NRG3: variants seen among roughly 807,000 people sequenced by gnomAD.
NRG3 encodes neuregulin 3.
In NRG3, 31 loss-of-function variants were observed where a neutral mutation model predicts 66.9. The ratio of observed to expected loss-of-function variants is 0.46; its 90% CI spans 0.35 to 0.63. NRG3 has a LOEUF of 0.63. Ranked by LOEUF, NRG3 falls within the 20% of genes least tolerant of loss-of-function variation. The pLI is 0.00. For synonymous variants in NRG3, 393 were observed against 359.4 expected (o/e 1.09, Z -1.06); for missense variants, 910 against 878.9 (o/e 1.04, Z -0.45).
At chr10:82,383,544 T>G (rs2085771145) in intron 2 of NRG3, among the ~76,000 whole-genome samples, 1 of 152,062 alleles carries the variant, frequency 6.6e-6, no homozygotes, top group Admixed American at 6.6e-5. Context: ...ACACCATGAT[T>G]GTTTTTGCTG....
chr10:82,609,589 CAA>C (rs907457000), intron 2 of NRG3, among the ~76,000 whole-genome samples: 3 of 114,344 alleles, frequency 2.6e-5, no homozygotes, highest in South Asian at 2.8e-4. Context: ...TTATATTTTC[CAA>C]AAAAAAAAAA....
intron 3 of NRG3, among the ~76,000 whole-genome samples, chr10:82,778,253 C>G (rs1357467719): frequency 6.6e-6 from 1 of 152,176 alleles, no homozygotes; most frequent in Non-Finnish European, 1.5e-5. Context: ...GACTAAAGCT[C>G]AAATTCCTGA....
At chr10:82,219,991 C>CAT (rs1264740543) in intron 1 of NRG3, among the ~76,000 whole-genome samples, 1 of 151,906 alleles carries the variant, frequency 6.6e-6, no homozygotes, top group African/African-American at 2.4e-5. Context: ...TACACACACA[C>CAT]ATATACTGAT....
intron 2 of NRG3, among the ~76,000 whole-genome samples, chr10:82,734,020 A>C (rs1321560758): frequency 1.3e-5 from 2 of 152,164 alleles, no homozygotes; most frequent in Non-Finnish European, 2.9e-5. Flanking sequence ...GACCATTTTA[A>C]GTCTCTTCCT....
chr10:82,848,242 G>A (rs564855501), intron 3 of NRG3, among the ~76,000 whole-genome samples: 8 of 152,178 alleles, frequency 5.3e-5, no homozygotes, highest in Non-Finnish European at 7.3e-5. Flanking sequence ...TTCTAAAGAT[G>A]TATATGTTAT....
At chr10:82,433,417 C>T (rs972551263) in intron 2 of NRG3, among the ~76,000 whole-genome samples, 1 of 152,020 alleles carries the variant, frequency 6.6e-6, no homozygotes, top group African/African-American at 2.4e-5. Context: ...CTGTAGATTG[C>T]CTGTTCACTC....
intron 2 of NRG3, among the ~76,000 whole-genome samples, chr10:82,541,830 T>C (rs927348343): frequency 6.6e-6 from 1 of 152,184 alleles, no homozygotes; most frequent in African/African-American, 2.4e-5. Flanking sequence ...AGTCCACCGA[T>C]ACCAGTAAGA....
chr10:82,042,849 G>A (rs972950197), intron 1 of NRG3, among the ~76,000 whole-genome samples: 9 of 152,036 alleles, frequency 5.9e-5, no homozygotes, highest in Middle Eastern at 3.4e-3. Context: ...CTAGGTCAAC[G>A]TATTTTGAAT....
At chr10:82,940,119 A>T (rs1009011771) in intron 4 of NRG3, among the ~76,000 whole-genome samples, 6 of 152,200 alleles carry the variant, frequency 3.9e-5, no homozygotes, top group African/African-American at 7.2e-5. Flanking sequence ...TGCAAAAGGA[A>T]TGCAGAAGGG....
At chr10:82,056,724 T>G (rs1387230984) in intron 1 of NRG3, among the ~76,000 whole-genome samples, 2 of 152,218 alleles carry the variant, frequency 1.3e-5, no homozygotes, top group Non-Finnish European at 2.9e-5. Context: ...GTTTTTATTT[T>G]GACTGTAGCT....
chr10:82,389,613 G>A (rs1049717960), intron 2 of NRG3, among the ~76,000 whole-genome samples: 3 of 152,084 alleles, frequency 2.0e-5, no homozygotes, highest in African/African-American at 7.2e-5. Context: ...AGACAAACGA[G>A]GGTAACTGGT....
At chr10:82,591,399 G>C (rs761935954) in intron 2 of NRG3, among the ~76,000 whole-genome samples, 40 of 152,200 alleles carry the variant, frequency 2.6e-4, no homozygotes, top group Admixed American at 9.8e-4. Flanking sequence ...AGGATCCCAT[G>C]ATAAACATTC....
chr10:82,822,502 T>C (rs566119386), intron 3 of NRG3, among the ~76,000 whole-genome samples: 1 of 152,120 alleles, frequency 6.6e-6, no homozygotes, highest in African/African-American at 2.4e-5. Context: ...AGAGGATCTC[T>C]GGGGTCATAA....
chr10:82,364,297 G>T (rs1243089661), intron 2 of NRG3, among the ~76,000 whole-genome samples: 1 of 152,002 alleles, frequency 6.6e-6, no homozygotes, highest in Non-Finnish European at 1.5e-5. Context: ...ATAATTCATT[G>T]ATACTTTTTA....
intron 2 of NRG3, among the ~76,000 whole-genome samples, chr10:82,428,147 A>C (rs1378210277): frequency 4.0e-5 from 6 of 151,584 alleles, no homozygotes; most frequent in African/African-American, 1.2e-4. Context: ...AATGAGCTAA[A>C]GTTTTGTTTT....
At chr10:82,332,713 G>T (rs148666829) in intron 1 of NRG3, among the ~76,000 whole-genome samples, 1 of 152,276 alleles carries the variant, frequency 6.6e-6, no homozygotes, top group African/African-American at 2.4e-5. Context: ...ATATCAAGGA[G>T]ACAATCAATC....
intron 1 of NRG3, among the ~76,000 whole-genome samples, chr10:82,325,997 T>C (rs1197693981): frequency 6.6e-6 from 1 of 152,190 alleles, no homozygotes; most frequent in Non-Finnish European, 1.5e-5. Context: ...TGTATTTCTT[T>C]GGGTAGATAC....
intron 3 of NRG3, among the ~76,000 whole-genome samples, chr10:82,773,585 T>C (rs1441527561): frequency 6.6e-6 from 1 of 152,184 alleles, no homozygotes; most frequent in Non-Finnish European, 1.5e-5. Context: ...AGATTTTTAG[T>C]TTAATATAGA....
At chr10:82,026,060 A>G (rs991785604) in intron 1 of NRG3, among the ~76,000 whole-genome samples, 1 of 152,074 alleles carries the variant, frequency 6.6e-6, no homozygotes, top group Non-Finnish European at 1.5e-5. Context: ...TATAAGAGGA[A>G]GAAGATAATT....
Sources: gnomAD v4.1 joint callset for allele counts (sites outside exome capture counted in the v4.1 genomes callset) on GRCh38, gnomAD v4.1.1 for gene constraint, MANE v1.5 for transcripts, NCBI Gene and HGNC (gene_info 2026-07-23, HGNC 2026-07-21) for gene names.